The following ZNF276 variants were observed in gnomAD, a reference collection of about 807,000 sequenced individuals.
ZNF276 encodes centromere protein Z.
A neutral mutation model predicts 63.9 loss-of-function variants in ZNF276; 59 were observed. The observed-to-expected ratio is 0.92, with a 90% confidence interval of 0.75 to 1.15. ZNF276 has a LOEUF of 1.15. ZNF276 is among the 50% of genes most tolerant of loss of function. The pLI is 0.00. For missense variants in ZNF276, 1,084 were observed against 843.8 expected (o/e 1.28, Z -3.53); for synonymous variants, 496 against 348.4 (o/e 1.42, Z -4.72).
At chr16:89,731,952 G>A (rs1021285824) in intron 6 of ZNF276, 1 of 152,146 alleles carries the variant, frequency 6.6e-6, no homozygotes, top group Non-Finnish European at 1.5e-5. Context: ...CTCTGGCTAG[G>A]GCCTCCAGTG....
upstream of ZNF276, chr16:89,720,534 C>G: frequency 1.7e-6 from 2 of 1,165,726 alleles, no homozygotes; most frequent in Non-Finnish European, 2.1e-6. Flanking sequence ...TGCACCGGCT[C>G]AGCGAGCGGA....
At chr16:89,733,727 A>C (rs4785715) in intron 8 of ZNF276, among the ~76,000 whole-genome samples, 170 bp downstream of exon 8, 1 of 151,968 alleles carries the variant, frequency 6.6e-6, no homozygotes, top group Non-Finnish European at 1.5e-5. Context: ...GGTAGATGTG[A>C]GGCCAGACTT....
Position 89,733,988 on chromosome 16 carries a change from T to C in ZNF276, c.1424T>C (p.Val475Ala). ...TGCCCCCACCCTGGCTGCAACAAGG[T>C]TTTCATGATCGACCGCTACCTGCAG... ...RPCPHPGCNK[V>A]FMIDRYLQRH... is the part of the protein sequence containing the mutation. The change falls in exon 9 of 11, where the codon GTT becomes GCT. Residue 475 changes from valine (V) to alanine (A), a missense_variant. Coordinates refer to ENST00000443381, the MANE Select transcript of ZNF276 (RefSeq NM_001113525.2). The C allele has an allele frequency of 6.2e-7, 1 of 1,613,714 alleles. No individual in the cohort carries two copies. The highest frequency in any genetic ancestry group is 8.5e-7 in the Non-Finnish European group (1 of 1,179,948).
chr16:89,723,220 G>A (rs768892409), intron 3 of ZNF276, 37 bp downstream of exon 3: 5 of 1,612,870 alleles, frequency 3.1e-6, no homozygotes, highest in South Asian at 2.2e-5. Flanking sequence ...GCTGGGTGCC[G>A]ACCAGCCGTG....
rs766402521 is a variant in ZNF276, at chr16:89,723,324, G to T, written c.621G>T (p.Ala207=). 1 of 1,613,008 alleles carries T rather than the reference G, an allele frequency of 6.2e-7. No individual in the cohort carries two copies. The highest frequency in any genetic ancestry group is 1.1e-5 in the South Asian group (1 of 91,082). Reference sequence around the variant, plus strand: ...TGGTGGGGTGGGTGCATGGACATGCGGCCAGCTGCGGGGCCCTGCCCCACC... The same window carrying T: ...TGGTGGGGTGGGTGCATGGACATGCTGCCAGCTGCGGGGCCCTGCCCCACC... The part of the protein sequence containing the change: ...HGLVGWVHGH[A]ASCGALPHLQ... Residue 207 remains alanine, a synonymous_variant, in exon 4 of 11, where the codon GCG becomes GCT. Transcript: ENST00000443381.
At position 89,740,723 on chromosome 16, in the gene ZNF276, C is replaced by A. The variant is rs11649162; in HGVS notation, c.*2477C>A. 84,933 of 1,226,826 alleles carry A rather than the reference C, an allele frequency of 0.069. 3,655 individuals carry two copies. Among genetic ancestry groups the A allele is most frequent in the East Asian group, 0.16 (6,445 of 41,258 alleles). 76.0% of individuals were successfully genotyped at this position (1,226,826 alleles called of 1,614,324 possible). On this transcript the variant is annotated 3_prime_UTR_variant, in exon 11 of 11. Coordinates refer to ENST00000443381, the MANE Select transcript of ZNF276 (RefSeq NM_001113525.2). ...GAGCTCCTGAGCTAGTCTGGAAACC[C>A]TGACTTGGAAGCTGGCTGCCTGGTG...
intron 1 of ZNF276, 102 bp from the exon 2 acceptor site, chr16:89,722,429 C>G (rs976686249): frequency 1.2e-5 from 16 of 1,371,066 alleles, no homozygotes; most frequent in South Asian, 1.4e-5. Flanking sequence ...GGGAGCCGCG[C>G]GAAGGGCGCT....
chr16:89,737,606 A>T, intron 9 of ZNF276, 200 bp from the exon 10 acceptor site: 2 of 1,001,746 alleles, frequency 2.0e-6, no homozygotes, highest in Non-Finnish European at 2.8e-6. Context: ...CACACAGCTG[A>T]TGAAGCCACG....
At chr16:89,734,446 C>T (rs913440820) in intron 9 of ZNF276, among the ~76,000 whole-genome samples, 15 of 152,214 alleles carry the variant, frequency 9.9e-5, no homozygotes, top group African/African-American at 3.4e-4. Context: ...CCGCCTCAGC[C>T]TCCCAAGTAG....
At chr16:89,728,904 G>C (rs1354858393) in intron 5 of ZNF276, among the ~76,000 whole-genome samples, 2 of 152,214 alleles carry the variant, frequency 1.3e-5, no homozygotes, top group Non-Finnish European at 2.9e-5. Flanking sequence ...GTTATGGGGT[G>C]AGGTGGTCGA....
At position 89,738,169 on chromosome 16, in the gene ZNF276, G is replaced by T. The variant is rs776839137; in HGVS notation, c.1768G>T (p.Glu590Ter). 1 of 1,613,094 alleles carries T rather than the reference G, an allele frequency of 6.2e-7. No individual in the cohort carries two copies. The change falls in exon 11 of 11, where the codon GAG (glutamate) becomes TAG (stop). Residue 590 changes from glutamate (E) to a stop codon, truncating the protein, a stop_gained. Transcript: ENST00000443381. LOFTEE classifies it high-confidence loss of function. ...GACCCAGGACAAGGCCCTGCCCCTG[G>T]AGGCGGAACCACCACCTGGGCCACC... ...TQTQDKALPL[E>*]AEPPPGPPSP... is the part of the protein sequence containing the mutation.
chr16:89,733,835 AG>A, intron 8 of ZNF276, 85 bp from the exon 9 acceptor site: 1 of 1,277,474 alleles, frequency 7.8e-7, no homozygotes, highest in Non-Finnish European at 1.1e-6. Context: ...TCTGCCTTCC[AG>A]GGGCCTCAGC....
chr16:89,735,207 T>A (rs1004399799), intron 9 of ZNF276, among the ~76,000 whole-genome samples: 2 of 151,732 alleles, frequency 1.3e-5, no homozygotes, highest in African/African-American at 4.8e-5. Flanking sequence ...TTCAGAGGGC[T>A]GCCTTTTCCT....
In ZNF276 at chr16:89,721,769, CG is replaced by C. The variant is rs2061286978; in HGVS notation, c.133del (p.Ala45ArgfsTer144). 1.6e-6 allele frequency: 2 copies of C among 1,266,752 alleles called. No individual in the cohort carries two copies. Among genetic ancestry groups the C allele is most frequent in the Non-Finnish European group, 2.0e-6 (2 of 1,007,400 alleles). The allele number at this position is 1,266,752 out of a possible 1,614,324, so 78.5% of individuals were successfully genotyped here. ...PSLSGGPRVD[G>X]ATARRAWGPV... The stretch of plus-strand genomic sequence containing the variant: ...CCCTTAGCGGTGGGCCGAGGGTGGA[CG>C]GGGCGACGGCGCGGCGCGCCTGGGG... On this transcript the variant is annotated frameshift_variant, in exon 1 of 11. Coordinates refer to ENST00000443381, the MANE Select transcript of ZNF276 (RefSeq NM_001113525.2). LOFTEE classifies it high-confidence loss of function.
chr16:89,720,608 G>T, upstream of ZNF276: 1 of 1,227,542 alleles, frequency 8.1e-7, no homozygotes, highest in East Asian at 3.6e-5. Context: ...GCTGCGCCCC[G>T]CCCCCGTCCT....
chr16:89,720,794 G>A (rs951476260), upstream of ZNF276: 4 of 1,460,096 alleles, frequency 2.7e-6, no homozygotes, highest in African/African-American at 1.5e-5. Flanking sequence ...CAGCTCGATG[G>A]CCCCGTTGGC....
chr16:89,734,111 T>G, intron 9 of ZNF276, 73 bp downstream of exon 9: 11 of 1,411,494 alleles, frequency 7.8e-6, no homozygotes, highest in Non-Finnish European at 1.1e-5. Flanking sequence ...GTCTTCCTCA[T>G]ACCCATCCCC....
intron 9 of ZNF276, among the ~76,000 whole-genome samples, chr16:89,737,069 T>G (rs1436129760): frequency 6.6e-6 from 1 of 152,054 alleles, no homozygotes; most frequent in East Asian, 1.9e-4. Context: ...AAGTGAGATC[T>G]CTTTGTTCAA....
At chr16:89,734,719 T>C (rs4785716) in intron 9 of ZNF276, among the ~76,000 whole-genome samples, 100,994 of 151,612 alleles carry the variant, frequency 0.67, 34,781 homozygotes, top group East Asian at 0.99. Context: ...GGTTCTGCCT[T>C]TTCACATGTG....
Sources: gnomAD v4.1 joint callset for allele counts (sites outside exome capture counted in the v4.1 genomes callset) on GRCh38, gnomAD v4.1.1 for gene constraint, MANE v1.5 for transcripts, NCBI Gene and HGNC (gene_info 2026-07-23, HGNC 2026-07-21) for gene names.